The following ATP8B3 variants were observed in gnomAD, a reference collection of about 807,000 sequenced individuals.
The protein encoded by ATP8B3 is phospholipid-transporting ATPase IK.
ATP8B3 carries 141 observed loss-of-function variants against 140.9 expected under a neutral mutation model. That is an observed-to-expected ratio of 1.00 (90% CI 0.87 to 1.15). The LOEUF (loss-of-function observed/expected upper bound fraction) is 1.15. Ranked by LOEUF, ATP8B3 falls within the 50% of genes most tolerant of loss-of-function variation. The pLI is 0.00. For missense variants in ATP8B3, 1,874 were observed against 1,740.6 expected, an observed-to-expected ratio of 1.08 and a Z score of -1.36; for synonymous variants, 765 against 714.6, an observed-to-expected ratio of 1.07 and a Z score of -1.13.
At chr19:1,810,813 T>G (rs914505931) in intron 2 of ATP8B3, 130 bp from the exon 3 acceptor site, 1 of 773,252 alleles carries the variant, frequency 1.3e-6, no homozygotes, top group Non-Finnish European at 2.0e-6. Context: ...ATCTGCAGCC[T>G]CCCCGCCAGG....
chr19:1,795,291 T>C (rs6510626), intron 18 of ATP8B3, among the ~76,000 whole-genome samples: 67,659 of 150,804 alleles, frequency 0.45, 15,385 homozygotes, highest in East Asian at 0.72. Flanking sequence ...ATGGCTCATG[T>C]CTGTAATCCC....
In ATP8B3 at chr19:1,784,827, G is replaced by A. The variant is rs760412040; in HGVS notation, c.3652C>T (p.Arg1218Cys). ...GCCCAGGCCCACCTCACCTTGGCAC[G>A]TAGCTCCTTGAGGGCTGGGAAGATG... ...RVIFPALKEL[R>C]AKEEKVEEGP... The change falls in exon 28 of 29, where the codon CGT becomes TGT. Residue 1218 changes from arginine to cysteine, a missense_variant. Arg to Cys is a radical substitution (Grantham distance 180, BLOSUM62 -3). Around this residue, in one of 3 missense-constraint regions of ATP8B3, gnomAD observed 840 missense variants for 760.9 expected, o/e 1.10. Transcript: ENST00000310127. The A allele has an allele frequency of 2.1e-5, 34 of 1,603,852 alleles. 1 individual carries two copies. The highest frequency in any genetic ancestry group is 2.7e-5 in the African/African-American group (2 of 74,770).
chr19:1,784,985 G>A, intron 27 of ATP8B3, 39 bp from the exon 28 acceptor site: 1 of 1,579,084 alleles, frequency 6.3e-7, no homozygotes, highest in Non-Finnish European at 8.6e-7. Flanking sequence ...CCTACCCCCA[G>A]CTCCAAGGAT....
In ATP8B3 at chr19:1,782,859, T is replaced by A. The variant is rs368616132; in HGVS notation, c.*169A>T. 15 of 832,152 alleles carry A rather than the reference T, an allele frequency of 1.8e-5. No individual in the cohort carries two copies. Among genetic ancestry groups the A allele is most frequent in the Admixed American group, 8.2e-5 (3 of 36,604 alleles). The allele number at this position is 832,152 out of a possible 1,614,324, so 51.5% of individuals were successfully genotyped here. A position where few individuals can be genotyped will look rare whatever the true frequency, so the allele number is the denominator to read the frequency against. The stretch of plus-strand genomic sequence containing the variant: ...AAAGACTCAGATAGCCTGTTGCTGC[T>A]GGTGAGCACATATTTGGGGAGGGCA... On this transcript the variant is annotated 3_prime_UTR_variant, in exon 29 of 29. Coordinates refer to ENST00000310127, the MANE Select transcript of ATP8B3 (RefSeq NM_138813.4).
chr19:1,791,597 T>C (rs560714235), intron 20 of ATP8B3, among the ~76,000 whole-genome samples, 153 bp downstream of exon 20: 23 of 152,158 alleles, frequency 1.5e-4, no homozygotes, highest in African/African-American at 5.3e-4. Flanking sequence ...TTGACCATGT[T>C]GGCCCTGCTG....
chr19:1,808,457 C>T, intron 4 of ATP8B3, 122 bp from the exon 5 acceptor site: 1 of 426,800 alleles, frequency 2.3e-6, no homozygotes. Context: ...ATGGGACACA[C>T]ACCATTCATT....
chr19:1,789,263 C>T, intron 23 of ATP8B3, 98 bp downstream of exon 23: 6 of 1,286,456 alleles, frequency 4.7e-6, no homozygotes, highest in Non-Finnish European at 6.2e-6. Flanking sequence ...CCATCAGCGC[C>T]CCCCTCACCT....
intron 12 of ATP8B3, among the ~76,000 whole-genome samples, chr19:1,801,567 A>G (rs1300416145): frequency 2.0e-5 from 3 of 152,094 alleles, no homozygotes; most frequent in African/African-American, 4.8e-5. Flanking sequence ...CCTGGGCAAC[A>G]TGGTAAAACT....
intron 10 of ATP8B3, among the ~76,000 whole-genome samples, chr19:1,803,039 G>A (rs901913873): frequency 2.0e-5 from 3 of 152,116 alleles, no homozygotes; most frequent in Non-Finnish European, 2.9e-5. Context: ...CCCAGGGCAC[G>A]GACCAGCACC....
intron 14 of ATP8B3, chr19:1,799,545 C>T (rs1046845442): frequency 1.0e-5 from 4 of 388,230 alleles, no homozygotes; most frequent in South Asian, 7.7e-5. Flanking sequence ...GCAGGTGGAT[C>T]GCCGGAGGCC....
chr19:1,789,255 AT>A (rs2068409135), intron 23 of ATP8B3, 105 bp downstream of exon 23: 6 of 882,972 alleles, frequency 6.8e-6, no homozygotes, highest in Non-Finnish European at 9.3e-6. Flanking sequence ...CGCCGCCTCC[AT>A]CAGCGCCCCC....
At chr19:1,788,848 G>A in intron 24 of ATP8B3, 49 bp downstream of exon 24, 1 of 1,500,998 alleles carries the variant, frequency 6.7e-7, no homozygotes, top group East Asian at 2.5e-5. Context: ...GGAGGGGCAG[G>A]GCATCCCCAG....
chr19:1,790,179 C>T (rs1403111557), intron 21 of ATP8B3, among the ~76,000 whole-genome samples, 190 bp from the exon 22 acceptor site: 1 of 111,300 alleles, frequency 9.0e-6, no homozygotes, highest in Non-Finnish European at 1.9e-5. Context: ...CCCTCCACTG[C>T]CCACTCCCCC....
chr19:1,783,080 G>A lies in ATP8B3; in HGVS notation c.3851C>T (p.Ser1284Phe). The A allele has an allele frequency of 6.2e-7, 1 of 1,613,056 alleles. No individual in the cohort carries two copies. Among genetic ancestry groups the A allele is most frequent in the Non-Finnish European group, 8.5e-7 (1 of 1,179,578 alleles). Residue 1284 changes from serine (S) to phenylalanine (F), a missense_variant, in exon 29 of 29, where the codon TCC becomes TTC. By Grantham distance (155) the Ser-to-Phe change is radical (BLOSUM62 -2). Around this residue, in one of 3 missense-constraint regions of ATP8B3, gnomAD observed 840 missense variants for 760.9 expected, o/e 1.10. Transcript: ENST00000310127. ...TGCCTCTTCATCAGATGGGTCTAGG[G>A]ATTCAGATGCTATGTCACTGCTGAC... ...PGVSSDIASE[S>F]LDPSDEEAAS...
Position 1,807,252 on chromosome 19 carries a change from G to C in ATP8B3, c.531C>G (p.Ile177Met). ...IIIILQSIPD[I>M]STLPWFSLST... ...TGAGCGAGAACCAGGGCAGCGTGGA[G>C]ATGTCGGGAATGCTCTGACGTGAGG... Residue 177 changes from isoleucine (I) to methionine (M), a missense_variant, in exon 6 of 29, where the codon ATC (isoleucine) becomes ATG (methionine). Physicochemically the swap from Ile to Met is conservative, Grantham distance 10. Coordinates refer to ENST00000310127, the MANE Select transcript of ATP8B3 (RefSeq NM_138813.4). The surrounding 1 kb of genome is among the most constrained non-coding windows in gnomAD (Gnocchi z 5.9). The C allele has an allele frequency of 1.9e-6, 3 of 1,612,642 alleles. No individual in the cohort carries two copies. Among genetic ancestry groups the C allele is most frequent in the Non-Finnish European group, 2.5e-6 (3 of 1,179,612 alleles).
At chr19:1,785,826 TTAAG>T (rs1461790026) in intron 25 of ATP8B3, 118 bp from the exon 26 acceptor site, 1 of 1,145,782 alleles carries the variant, frequency 8.7e-7, no homozygotes, top group African/African-American at 1.6e-5. Context: ...CTCTTTGAGT[TTAAG>T]TGAGTTAAAA....
At chr19:1,809,122 C>T (rs997104671) in intron 4 of ATP8B3, among the ~76,000 whole-genome samples, 3 of 151,798 alleles carry the variant, frequency 2.0e-5, no homozygotes, top group African/African-American at 4.8e-5. Flanking sequence ...TGCAGTGAGC[C>T]GAGATCTCGC....
chr19:1,789,793 C>A, intron 22 of ATP8B3, 66 bp from the exon 23 acceptor site: 1 of 1,565,508 alleles, frequency 6.4e-7, no homozygotes. Context: ...CCCTACCCGG[C>A]CCTCGGCCTC....
rs1568628911 is a variant in ATP8B3, at chr19:1,791,829, G to C, written c.2223C>G (p.Leu741=). The change falls in exon 20 of 29, where the codon CTC becomes CTG. Residue 741 remains leucine (L), a synonymous_variant. Coordinates refer to ENST00000310127, the MANE Select transcript of ATP8B3 (RefSeq NM_138813.4). ...LLGATAIEDR[L]QDGVPETIKC... is the part of the protein sequence containing the mutation. The stretch of plus-strand genomic sequence containing the variant: ...TGATGGTTTCAGGGACACCGTCCTG[G>C]AGTCTGTCCTCGATGGCTGTGGCTC... 3 of 1,611,574 alleles carry C rather than the reference G, an allele frequency of 1.9e-6. No individual in the cohort carries two copies. Among genetic ancestry groups the C allele is most frequent in the Non-Finnish European group, 2.5e-6 (3 of 1,179,814 alleles).
Sources: gnomAD v4.1 joint callset for allele counts (sites outside exome capture counted in the v4.1 genomes callset) on GRCh38, gnomAD v4.1.1 for gene constraint, gnomAD v4.1.1 regional missense constraint, Gnocchi (gnomAD v3.1) non-coding constraint, MANE v1.5 for transcripts, NCBI Gene and HGNC (gene_info 2026-07-23, HGNC 2026-07-21) for gene names.